Variants in UNC13C observed in about 807,000 individuals in gnomAD.
The protein encoded by UNC13C is protein unc-13 homolog C.
Under a neutral mutation model 245.4 loss-of-function variants are expected in UNC13C, and 174 were observed. The ratio of observed to expected loss-of-function variants is 0.71; its 90% CI spans 0.63 to 0.80. The LOEUF is 0.80. UNC13C is among the 30% of genes least tolerant of loss of function. The pLI, the probability that UNC13C is intolerant of heterozygous loss-of-function variation, is 0.00. For missense variants in UNC13C, 2,829 were observed against 2,602.9 expected (o/e 1.09, Z -1.89); for synonymous variants, 992 against 895.1 (o/e 1.11, Z -1.93).
At chr15:53,853,723 T>C in the UNC13C span, among the ~76,000 whole-genome samples, 1 of 152,218 alleles carries the variant, frequency 6.6e-6, no homozygotes, top group Non-Finnish European at 1.5e-5. Flanking sequence ...TGTGGTTTGA[T>C]TTATATTTCT....
At chr15:53,943,519 G>T in the UNC13C span, among the ~76,000 whole-genome samples, 4 of 152,074 alleles carry the variant, frequency 2.6e-5, no homozygotes, top group Non-Finnish European at 5.9e-5. Flanking sequence ...AAGCCATATA[G>T]AAATTTTGGA....
intron 30 of UNC13C, among the ~76,000 whole-genome samples, chr15:54,590,107 G>C (rs1205065419): frequency 1.3e-5 from 2 of 152,044 alleles, no homozygotes; most frequent in African/African-American, 2.4e-5. Context: ...GTAAGTATTT[G>C]GGTTTATTTC....
intron 10 of UNC13C, among the ~76,000 whole-genome samples, chr15:54,290,676 A>G (rs964243040): frequency 2.6e-5 from 4 of 152,198 alleles, no homozygotes; most frequent in African/African-American, 4.8e-5. Context: ...ATGGATTGCT[A>G]TTTGTATGCA....
At chr15:54,064,691 A>G (rs1376744160) in intron 2 of UNC13C, among the ~76,000 whole-genome samples, 1 of 152,190 alleles carries the variant, frequency 6.6e-6, no homozygotes, top group African/African-American at 2.4e-5. Context: ...ATCAGCAGGA[A>G]CCACTACCTA....
chr15:54,157,397 G>A (rs1405352091), intron 4 of UNC13C, among the ~76,000 whole-genome samples: 1 of 152,154 alleles, frequency 6.6e-6, no homozygotes, highest in East Asian at 1.9e-4. Flanking sequence ...ATAATCGCAA[G>A]ATCATTTAGT....
At chr15:54,027,944 T>G (rs1452533670) in intron 2 of UNC13C, among the ~76,000 whole-genome samples, 1 of 152,196 alleles carries the variant, frequency 6.6e-6, no homozygotes, top group Non-Finnish European at 1.5e-5. Context: ...AGCCATGCCT[T>G]GAGCACATGT....
At chr15:54,623,527 G>A (rs1900933387) in intron 31 of UNC13C, among the ~76,000 whole-genome samples, 1 of 152,126 alleles carries the variant, frequency 6.6e-6, no homozygotes, top group African/African-American at 2.4e-5. Flanking sequence ...TTACCAAGAG[G>A]AGGAGAGTGC....
chr15:54,571,782 G>A (rs1477016272), intron 30 of UNC13C, among the ~76,000 whole-genome samples: 1 of 152,142 alleles, frequency 6.6e-6, no homozygotes. Flanking sequence ...AATGCCTCAG[G>A]GAGCAGCCCC....
rs184409617 is a variant in UNC13C at position 54,052,923 on chromosome 15, G to C, written c.2983+37037G>C. On this transcript the variant is annotated intron_variant, in intron 2 of 32. Transcript: ENST00000260323. ...AGAAAAGTATTAGGTTGGTTGTAAT[G>C]GCAAAAATCCACAATTACTTTGCAC... Among the ~76,000 whole-genome samples the C allele has an allele frequency of 3.8e-3, 571 of 152,248 alleles. 2 individuals carry two copies. Among genetic ancestry groups the C allele is most frequent in the Non-Finnish European group, 6.2e-3 (422 of 68,012 alleles).
At chr15:54,538,673 G>A (rs1413030692) in intron 26 of UNC13C, among the ~76,000 whole-genome samples, 1 of 152,016 alleles carries the variant, frequency 6.6e-6, no homozygotes, top group Non-Finnish European at 1.5e-5. Flanking sequence ...CCATAAAAAT[G>A]AATGAGATCA....
At chr15:54,209,585 G>C (rs780570526) in intron 4 of UNC13C, among the ~76,000 whole-genome samples, 46 of 151,856 alleles carry the variant, frequency 3.0e-4, no homozygotes, top group Non-Finnish European at 5.3e-4. Context: ...CTAACTTTCT[G>C]TGTTTTTTTG....
chr15:53,871,768 T>G, the UNC13C span, among the ~76,000 whole-genome samples: 1 of 151,984 alleles, frequency 6.6e-6, no homozygotes, highest in African/African-American at 2.4e-5. Context: ...CATGCTCGCC[T>G]AGCATCTTGA....
intron 29 of UNC13C, among the ~76,000 whole-genome samples, chr15:54,557,309 T>C (rs1897131954): frequency 6.6e-6 from 1 of 151,888 alleles, no homozygotes; most frequent in Non-Finnish European, 1.5e-5. Context: ...GGCACCTCCA[T>C]GCTAGGCCTG....
Position 54,307,746 on chromosome 15 carries a change from G to C in UNC13C, c.4268+7373G>C, listed in dbSNP as rs562159742. ...ATCTGTGCCTTTTATTTATTTTCCA[G>C]TCACACACCATTGCTCTTGTACTCA... is the stretch of plus-strand genomic sequence containing the variant. On this transcript the variant is annotated intron_variant, in intron 13 of 32. Transcript: ENST00000260323. 2.0e-5 allele frequency among the ~76,000 whole-genome samples: 3 copies of C among 151,996 alleles called. No homozygotes were observed. The East Asian group carries it at 5.8e-4, about 30-fold the overall frequency.
chr15:53,937,124 C>T, the UNC13C span, among the ~76,000 whole-genome samples: 51 of 152,100 alleles, frequency 3.4e-4, no homozygotes, highest in East Asian at 8.3e-3. Flanking sequence ...TGCAAAGAAG[C>T]GAAAAATCAT....
At chr15:54,234,110 T>G (rs12899426) in intron 4 of UNC13C, among the ~76,000 whole-genome samples, 55,890 of 151,706 alleles carry the variant, frequency 0.37, 12,470 homozygotes, top group African/African-American at 0.63. Context: ...ATAACAGGGA[T>G]TTTTCTCTTT....
chr15:54,123,795 G>A (rs1022160854), intron 2 of UNC13C, among the ~76,000 whole-genome samples: 1 of 152,090 alleles, frequency 6.6e-6, no homozygotes, highest in African/African-American at 2.4e-5. Flanking sequence ...CTATAGACAT[G>A]TTCCTTCACC....
At chr15:54,470,429 T>C (rs1892397754) in intron 19 of UNC13C, among the ~76,000 whole-genome samples, 1 of 151,580 alleles carries the variant, frequency 6.6e-6, no homozygotes, top group African/African-American at 2.4e-5. Context: ...TCACTCTTTA[T>C]TGGCCTACTC....
the UNC13C span, among the ~76,000 whole-genome samples, chr15:53,866,215 G>A: frequency 6.6e-6 from 1 of 152,100 alleles, no homozygotes; most frequent in Non-Finnish European, 1.5e-5. Context: ...TGGCAGTGAA[G>A]ACAAAACATT....
Sources: gnomAD v4.1 joint callset for allele counts (sites outside exome capture counted in the v4.1 genomes callset) on GRCh38, gnomAD v4.1.1 for gene constraint, MANE v1.5 for transcripts, NCBI Gene and HGNC (gene_info 2026-07-23, HGNC 2026-07-21) for gene names.